Variants in GRHL2 observed in about 807,000 individuals in gnomAD.
GRHL2 encodes grainyhead-like protein 2 homolog.
In GRHL2, 21 loss-of-function variants were observed where a neutral mutation model predicts 83.8. The observed-to-expected ratio is 0.25, with a 90% CI of 0.18 to 0.36. The LOEUF (loss-of-function observed/expected upper bound fraction) is 0.36. Among genes scored for constraint, GRHL2 ranks in the 10% least tolerant of loss-of-function variants. GRHL2 has a pLI of 1.00. For missense variants in GRHL2, 623 were observed against 781.8 expected, an observed-to-expected ratio of 0.80 and a Z score of 2.42; for synonymous variants, 280 against 278.9, an observed-to-expected ratio of 1.00 and a Z score of -0.04.
At chr8:101,587,833 A>G (rs1389504572) in intron 7 of GRHL2, among the ~76,000 whole-genome samples, 1 of 152,242 alleles carries the variant, frequency 6.6e-6, no homozygotes, top group African/African-American at 2.4e-5. Flanking sequence ...GCCACCCTCT[A>G]GCATTTGCTA....
At chr8:101,561,065 T>C (rs1811598148) in intron 4 of GRHL2, among the ~76,000 whole-genome samples, 1 of 152,120 alleles carries the variant, frequency 6.6e-6, no homozygotes, top group South Asian at 2.1e-4. Context: ...TAACCCAATG[T>C]CACAAACTTT....
At chr8:101,553,208 G>T (rs1211415297) in intron 3 of GRHL2, among the ~76,000 whole-genome samples, 2 of 152,218 alleles carry the variant, frequency 1.3e-5, no homozygotes, top group Non-Finnish European at 2.9e-5. Flanking sequence ...GCCAAGGGAG[G>T]CATAGGTGGA....
chr8:101,673,798 T>C (rs1237294710), downstream of GRHL2, among the ~76,000 whole-genome samples: 1 of 151,902 alleles, frequency 6.6e-6, no homozygotes, highest in East Asian at 1.9e-4. Flanking sequence ...ATTGACCACA[T>C]AATTGGAAGT....
chr8:101,626,836 G>A (rs1479887372), intron 9 of GRHL2, among the ~76,000 whole-genome samples: 1 of 152,016 alleles, frequency 6.6e-6, no homozygotes, highest in Non-Finnish European at 1.5e-5. Flanking sequence ...AGGAAGAGGT[G>A]GAATACTCGG....
chr8:101,548,534 A>T (rs1216972538), intron 2 of GRHL2, among the ~76,000 whole-genome samples: 1 of 152,232 alleles, frequency 6.6e-6, no homozygotes, highest in African/African-American at 2.4e-5. Flanking sequence ...GGGAGTTCAT[A>T]ACAAGGGTAA....
chr8:101,674,603 A>G (rs1814263424), downstream of GRHL2, among the ~76,000 whole-genome samples: 1 of 152,206 alleles, frequency 6.6e-6, no homozygotes, highest in Admixed American at 6.5e-5. Context: ...GACCAGATGG[A>G]TTCATAGCCG....
At chr8:101,512,530 G>A (rs879718011) in intron 1 of GRHL2, among the ~76,000 whole-genome samples, 8 of 151,998 alleles carry the variant, frequency 5.3e-5, no homozygotes, top group Non-Finnish European at 8.8e-5. Flanking sequence ...GCCCGAGTGC[G>A]GTGGCATGAT....
At chr8:101,550,330 A>T (rs1811353610) in intron 2 of GRHL2, among the ~76,000 whole-genome samples, 1 of 152,080 alleles carries the variant, frequency 6.6e-6, no homozygotes, top group Admixed American at 6.6e-5. Context: ...CCCAAAAGAT[A>T]GTTTTTCAGC....
chr8:101,586,074 T>TTTTTTC (rs1812161071), intron 7 of GRHL2, among the ~76,000 whole-genome samples: 1 of 109,986 alleles, frequency 9.1e-6, no homozygotes, highest in Non-Finnish European at 1.9e-5. Flanking sequence ...TCTTTTTTTT[T>TTTTTTC]TTTTTTTTTT....
At chr8:101,583,980 A>T (rs1812111145) in intron 7 of GRHL2, among the ~76,000 whole-genome samples, 1 of 152,210 alleles carries the variant, frequency 6.6e-6, no homozygotes, top group Admixed American at 6.5e-5. Flanking sequence ...GTGCTTTCAG[A>T]ACGGGCAGTA....
chr8:101,654,704 A>G (rs770128581), intron 14 of GRHL2, among the ~76,000 whole-genome samples: 1 of 152,228 alleles, frequency 6.6e-6, no homozygotes, highest in Non-Finnish European at 1.5e-5. Context: ...GTGTCACATC[A>G]GGCAGATTTG....
At chr8:101,499,175 A>C (rs1243033533) in intron 1 of GRHL2, among the ~76,000 whole-genome samples, 1 of 152,174 alleles carries the variant, frequency 6.6e-6, no homozygotes, top group East Asian at 1.9e-4. Flanking sequence ...TTTCAAATGT[A>C]CAGAAGATTC....
chr8:101,664,885 C>T (rs1208760245), intron 15 of GRHL2, among the ~76,000 whole-genome samples: 1 of 151,838 alleles, frequency 6.6e-6, no homozygotes, highest in Non-Finnish European at 1.5e-5. Context: ...GGGTGGCATA[C>T]TAGGAACAAA....
intron 12 of GRHL2, among the ~76,000 whole-genome samples, chr8:101,637,873 C>T (rs1398914142): frequency 2.0e-5 from 3 of 152,134 alleles, no homozygotes; most frequent in African/African-American, 4.8e-5. Context: ...CACCCCTTTC[C>T]TCCCTGCAAC....
chr8:101,530,706 C>T (rs966490270), intron 1 of GRHL2, among the ~76,000 whole-genome samples: 2 of 152,114 alleles, frequency 1.3e-5, no homozygotes, highest in Non-Finnish European at 1.5e-5. Context: ...CTAGATTGTT[C>T]CAGGACCTTG....
At chr8:101,575,028 G>A (rs966856860) in intron 6 of GRHL2, among the ~76,000 whole-genome samples, 1 of 152,148 alleles carries the variant, frequency 6.6e-6, no homozygotes, top group Non-Finnish European at 1.5e-5. Context: ...ACCCCAGGGC[G>A]TCGGACTCCT....
At chr8:101,523,293 A>G (rs1184122459) in intron 1 of GRHL2, among the ~76,000 whole-genome samples, 3 of 150,954 alleles carry the variant, frequency 2.0e-5, no homozygotes, top group East Asian at 1.9e-4. Context: ...TACAATAAAA[A>G]CCTCTTTCCT....
At chr8:101,611,191 C>T (rs1157517195) in intron 8 of GRHL2, among the ~76,000 whole-genome samples, 1 of 151,056 alleles carries the variant, frequency 6.6e-6, no homozygotes, top group Non-Finnish European at 1.5e-5. Context: ...TATGTCAGTG[C>T]TCTGAAGTCG....
At chr8:101,535,815 C>G (rs1811035512) in intron 1 of GRHL2, among the ~76,000 whole-genome samples, 1 of 152,212 alleles carries the variant, frequency 6.6e-6, no homozygotes, top group Non-Finnish European at 1.5e-5. Context: ...GCTGGGATTA[C>G]AGGCATGAGC....
Sources: gnomAD v4.1 joint callset for allele counts (sites outside exome capture counted in the v4.1 genomes callset) on GRCh38, gnomAD v4.1.1 for gene constraint, MANE v1.5 for transcripts, NCBI Gene and HGNC (gene_info 2026-07-23, HGNC 2026-07-21) for gene names.